Variants in RNF213 observed in about 807,000 individuals in gnomAD.
RNF213 encodes the protein ring finger protein 213.
Under a neutral mutation model 514.4 loss-of-function variants are expected in RNF213, and 341 were observed. That is an observed-to-expected ratio of 0.66 (90% CI 0.61 to 0.73). The LOEUF (loss-of-function observed/expected upper bound fraction) is 0.73. Among genes scored for constraint, RNF213 ranks in the 30% least tolerant of loss-of-function variants. The probability of loss-of-function intolerance (pLI) is 0.00; values close to 1 mark genes in which losing one functional copy is unlikely to be tolerated. For missense variants in RNF213, 5,767 were observed against 6,615.6 expected (o/e 0.87, Z 4.45); for synonymous variants, 2,655 against 2,658.2 (o/e 1.00, Z 0.04).
In RNF213 at chr17:80,397,407, A is replaced by C. The variant is rs1407288175; in HGVS notation, c.*3909A>C. ...AGAGAAGTAAAAACTAAAAGGCAGA[A>C]ATGAAATCCACAAGCAGACAGCCTG... On this transcript the variant is annotated 3_prime_UTR_variant, in exon 68 of 68. Transcript: ENST00000582970. The C allele has an allele frequency of 6.6e-6, 1 of 152,150 alleles. No homozygotes were observed. The highest frequency in any genetic ancestry group is 1.5e-5 in the Non-Finnish European group (1 of 68,030). 9.4% of individuals were successfully genotyped at this position (152,150 alleles called of 1,614,324 possible).
At chr17:80,381,951 GCT>G in intron 57 of RNF213, 1 of 562,492 alleles carries the variant, frequency 1.8e-6, no homozygotes, top group Non-Finnish European at 3.2e-6. Flanking sequence ...GGAAGGAGCT[GCT>G]CTGTTCCCTC....
rs140923376 is a variant in RNF213 at position 80,334,049 on chromosome 17, A to G, written c.4144-56A>G. On this transcript the variant is annotated intron_variant, in intron 21 of 67. Coordinates refer to ENST00000582970, the MANE Select transcript of RNF213 (RefSeq NM_001256071.3). ...GGGACGGTCAGTGCTTGCAGCTCAC[A>G]GATTCTGGGGTTCTGGTTAATGAGT... 1,579 of 1,534,340 alleles carry G rather than the reference A, an allele frequency of 1.0e-3. 3 individuals are homozygous for G. The highest frequency in any genetic ancestry group is 1.1e-3 in the Non-Finnish European group (1,218 of 1,144,710).
chr17:80,381,136 ATGT>A lies in RNF213; in HGVS notation c.13797+151_13797+153del, dbSNP rs368987237. 3.1e-4 allele frequency: 265 copies of A among 860,478 alleles called. No homozygotes were observed. The Middle Eastern group carries it at 3.4e-3, about 11-fold the overall frequency. The allele number at this position is 860,478 out of a possible 1,614,324, so 53.3% of individuals were successfully genotyped here. Reference sequence around the variant, plus strand: ...AGTAATATACAAGTTATACATCTTCATGTTTCCCCCTGTGGCGTATGATGGTAT... The same window carrying A: ...AGTAATATACAAGTTATACATCTTCATTCCCCCTGTGGCGTATGATGGTAT... On this transcript the variant is annotated intron_variant, in intron 56 of 67. Coordinates refer to ENST00000582970, the MANE Select transcript of RNF213 (RefSeq NM_001256071.3).
chr17:80,304,659 T>TA (rs71163949), intron 11 of RNF213, among the ~76,000 whole-genome samples: 21,344 of 145,668 alleles, frequency 0.15, 1,688 homozygotes, highest in Non-Finnish European at 0.19. Flanking sequence ...AATAAATAAA[T>TA]AATAATAATA....
chr17:80,347,494 G>A lies in RNF213; in HGVS notation c.9159G>A (p.Gln3053=). Residue 3053 remains glutamine (Q), a synonymous_variant, in exon 29 of 68, where the codon CAG becomes CAA. Coordinates refer to ENST00000582970, the MANE Select transcript of RNF213 (RefSeq NM_001256071.3). This position sits in a 1 kb window ranked among gnomAD's most constrained non-coding sequence, Gnocchi z 7.2. ...LVLTKNYVAL[Q]ILQQTFFEGD... Reference sequence around the variant, plus strand: ...TGACCAAAAACTACGTGGCACTGCAGATCCTGCAGCAGACATTCTTCGAGG... The same window carrying A: ...TGACCAAAAACTACGTGGCACTGCAAATCCTGCAGCAGACATTCTTCGAGG... 1 of 1,614,106 alleles carries A rather than the reference G, an allele frequency of 6.2e-7. No homozygotes were observed. The highest frequency in any genetic ancestry group is 1.1e-5 in the South Asian group (1 of 91,084).
intron 3 of RNF213, among the ~76,000 whole-genome samples, chr17:80,280,680 C>A (rs1340857446): frequency 1.3e-5 from 2 of 152,058 alleles, no homozygotes; most frequent in South Asian, 2.1e-4. Flanking sequence ...GTCTCAAACT[C>A]CTGGGCTCAA....
chr17:80,338,007 C>T lies in RNF213; in HGVS notation c.4833+10C>T. On this transcript the variant is annotated intron_variant, in intron 25 of 67. Transcript: ENST00000582970. Reference sequence around the variant, plus strand: ...GGAGAGGTTTTCAGAGGTGAGGGCGCATCTTTGCAGTGGCGCTAAGCTGGT... The same window carrying T: ...GGAGAGGTTTTCAGAGGTGAGGGCGTATCTTTGCAGTGGCGCTAAGCTGGT... 1 of 1,537,252 alleles carries T rather than the reference C, an allele frequency of 6.5e-7. No homozygotes were observed. The highest frequency in any genetic ancestry group is 8.7e-7 in the Non-Finnish European group (1 of 1,146,884).
At position 80,393,841 on chromosome 17, in the gene RNF213, C is replaced by T. The variant is rs766583527; in HGVS notation, c.*343C>T. ...CCACACACGCAGTAATGACCTGTGC[C>T]CGTTCGCCTCTGGCACTGCCCACCC... On this transcript the variant is annotated 3_prime_UTR_variant, in exon 68 of 68. Transcript: ENST00000582970. 4.5e-5 allele frequency: 13 copies of T among 290,548 alleles called. No individual in the cohort carries two copies. The highest frequency in any genetic ancestry group is 8.0e-5 in the Non-Finnish European group (12 of 149,616). 18.0% of individuals were successfully genotyped at this position (290,548 alleles called of 1,614,324 possible).
chr17:80,380,206 A>T (rs1249312660), intron 55 of RNF213, among the ~76,000 whole-genome samples: 1 of 152,220 alleles, frequency 6.6e-6, no homozygotes, highest in South Asian at 2.1e-4. Context: ...TACAAATCCG[A>T]TCCCACAATC....
At position 80,292,985 on chromosome 17, in the gene RNF213, C is replaced by T. The variant is rs11868385; in HGVS notation, c.1471+1158C>T. ...AGAAGAATGTAAATTTAGTCCCTGT[C>T]ACTCCACCTTGGACAAAGACAGAAG... is the stretch of plus-strand genomic sequence containing the variant. On this transcript the variant is annotated intron_variant, in intron 8 of 67. Transcript: ENST00000582970. Among the ~76,000 whole-genome samples, 641 of 152,308 alleles carry T rather than the reference C, an allele frequency of 4.2e-3. 9 individuals carry two copies. The highest frequency in any genetic ancestry group is 0.014 in the African/African-American group (570 of 41,560).
rs527433585 is a variant in RNF213 at position 80,336,324 on chromosome 17, T to C, written c.4473T>C (p.His1491=). 24 of 1,537,140 alleles carry C rather than the reference T, an allele frequency of 1.6e-5. No individual in the cohort carries two copies. The East Asian group carries it at 5.9e-4, about 38-fold the overall frequency. The change falls in exon 23 of 68, where the codon CAT becomes CAC. Residue 1491 remains histidine, a synonymous_variant. Coordinates refer to ENST00000582970, the MANE Select transcript of RNF213 (RefSeq NM_001256071.3). ...TGGACTTCAGTGCATTCATGAAGCATCTGAAAAAGCTGTGGAAGGCTCTGG... is the reference window on the plus strand; with the variant it reads ...TGGACTTCAGTGCATTCATGAAGCACCTGAAAAAGCTGTGGAAGGCTCTGG... ...PSVDFSAFMK[H]LKKLWKALDK... is the part of the protein sequence containing the mutation.
intron 55 of RNF213, 28 bp from the exon 56 acceptor site, chr17:80,380,803 C>T: frequency 6.2e-7 from 1 of 1,614,194 alleles, no homozygotes. Flanking sequence ...GCCTCAGCCT[C>T]TGTCTTGTGT....
chr17:80,286,427 C>T (rs1437707747), intron 3 of RNF213, among the ~76,000 whole-genome samples: 3 of 152,272 alleles, frequency 2.0e-5, no homozygotes, highest in East Asian at 3.9e-4. Flanking sequence ...GTTGCAGTGT[C>T]GGCCTGGCCT....
Position 80,369,665 on chromosome 17 carries a change from G to T in RNF213, c.12319G>T (p.Ala4107Ser). 1 of 1,614,170 alleles carries T rather than the reference G, an allele frequency of 6.2e-7. No homozygotes were observed. Among genetic ancestry groups the T allele is most frequent in the East Asian group, 2.2e-5 (1 of 44,890 alleles). Residue 4107 changes from alanine to serine, a missense_variant, in exon 45 of 68, where the codon GCC (alanine) becomes TCC (serine). Physicochemically the swap from Ala to Ser is moderately conservative, Grantham distance 99. Coordinates refer to ENST00000582970, the MANE Select transcript of RNF213 (RefSeq NM_001256071.3). ...FVQKGRLRDA[A>S]QRHCEHTKSL... ...CCAAAAGGGGCGCTTAAGAGATGCTGCCCAGAGTAGGTTGCTTTCTTCCTG... is the reference window on the plus strand; with the variant it reads ...CCAAAAGGGGCGCTTAAGAGATGCTTCCCAGAGTAGGTTGCTTTCTTCCTG...
At chr17:80,334,655 C>A (rs1390843089) in intron 22 of RNF213, among the ~76,000 whole-genome samples, 1 of 151,080 alleles carries the variant, frequency 6.6e-6, no homozygotes, top group Non-Finnish European at 1.5e-5. Flanking sequence ...GAGACAGAGT[C>A]TCGCTCTGTC....
chr17:80,337,835 T>G lies in RNF213; in HGVS notation c.4671T>G (p.Ile1557Met). ...VIQAPKGGQK[I>M]SPDTVLHLIL... ...CTTCTAACCTATGCTCTTCACAGAT[T>G]TCCCCAGACACGGTTCTGCACTTGA... Residue 1557 changes from isoleucine to methionine, a missense_variant and splice_region_variant, in exon 25 of 68, where the codon ATT (isoleucine) becomes ATG (methionine). Physicochemically the swap from Ile to Met is conservative, Grantham distance 10. Coordinates refer to ENST00000582970, the MANE Select transcript of RNF213 (RefSeq NM_001256071.3). 6.5e-7 allele frequency: 1 copy of G among 1,536,958 alleles called. No individual in the cohort carries two copies. The highest frequency in any genetic ancestry group is 2.4e-5 in the East Asian group (1 of 40,916).
chr17:80,375,660 G>A (rs2079723367), intron 50 of RNF213, 100 bp from the exon 51 acceptor site: 12 of 811,112 alleles, frequency 1.5e-5, no homozygotes, highest in South Asian at 1.4e-4. Flanking sequence ...CCGAGATCAT[G>A]CCACTGCACT....
chr17:80,327,671 G>T, intron 18 of RNF213, 145 bp from the exon 19 acceptor site: 2 of 652,680 alleles, frequency 3.1e-6, no homozygotes, highest in Non-Finnish European at 5.1e-6. Flanking sequence ...TGGAATGATT[G>T]GCGCATCTGG....
intron 6 of RNF213, 132 bp from the exon 7 acceptor site, chr17:80,290,422 CGAGTGTGCGCGTGTGT>C: frequency 1.2e-6 from 1 of 862,784 alleles, no homozygotes; most frequent in South Asian, 1.4e-5. Context: ...TGCGTGTGTG[CGAGTGTGCGCGTGTGT>C]GCATGTGTGT....
Sources: allele counts gnomAD v4.1 joint callset (sites outside exome capture counted in the v4.1 genomes callset), GRCh38; gene constraint gnomAD v4.1.1; non-coding constraint Gnocchi (gnomAD v3.1); transcripts MANE v1.5; gene names NCBI Gene and HGNC (gene_info 2026-07-23, HGNC 2026-07-21).